The following APC2 variants were observed in gnomAD, a reference collection of about 807,000 sequenced individuals.
The protein encoded by APC2 is APC regulator of Wnt signaling pathway 2.
In APC2, 41 loss-of-function variants were observed where a neutral mutation model predicts 72.5. That is an observed-to-expected ratio of 0.57 (90% CI 0.44 to 0.73). APC2 has a LOEUF of 0.73. Ranked by LOEUF, APC2 falls within the 30% of genes least tolerant of loss-of-function variation. The pLI, the probability that APC2 is intolerant of heterozygous loss-of-function variation, is 0.00. For synonymous variants in APC2, 1,898 were observed against 1,612.0 expected (o/e 1.18, Z -4.25); for missense variants, 3,729 against 3,403.4 (o/e 1.10, Z -2.38).
chr19:1,466,601 G>A lies in APC2; in HGVS notation c.3300G>A (p.Leu1100=), dbSNP rs1160675408. The change falls in exon 15 of 15, where the codon CTG becomes CTA. Residue 1100 remains leucine, a synonymous_variant. Transcript: ENST00000590469. ...ACAGTGACTCCTCCCTGGAGGGGCT[G>A]GAGGAGGCCGGCCCCAGCGAGGCTG... is the stretch of plus-strand genomic sequence containing the variant. ...LDDSDSSLEG[L]EEAGPSEAEL... is the part of the protein sequence containing the mutation. The A allele has an allele frequency of 1.3e-6, 2 of 1,549,098 alleles. No homozygotes were observed. Among genetic ancestry groups the A allele is most frequent in the African/African-American group, 1.4e-5 (1 of 73,898 alleles).
rs750775445 is a variant in APC2 at position 1,467,189 on chromosome 19, G to A, written c.3888G>A (p.Leu1296=). The A allele has an allele frequency of 4.6e-6, 7 of 1,510,148 alleles. No homozygotes were observed. The South Asian group carries it at 9.0e-5, about 19-fold the overall frequency. The allele number at this position is 1,510,148 out of a possible 1,614,324, so 93.5% of individuals were successfully genotyped here. A position where few individuals can be genotyped will look rare whatever the true frequency, so the allele number is the denominator to read the frequency against. Residue 1296 remains leucine (L), a synonymous_variant, in exon 15 of 15, where the codon CTG becomes CTA. Coordinates refer to ENST00000590469, the MANE Select transcript of APC2 (RefSeq NM_005883.3). The part of the protein sequence containing the change: ...HYVQQDVELR[L]LPSACPERGG... ...TGCAGCAGGACGTGGAGCTGCGGCT[G>A]CTGCCCTCGGCCTGCCCCGAGCGCG...
At chr19:1,457,347 G>A in intron 9 of APC2, 104 bp downstream of exon 9, 9 of 1,413,926 alleles carry the variant, frequency 6.4e-6, no homozygotes, top group Non-Finnish European at 8.3e-6. Context: ...CCTGCCTTCT[G>A]GCGTTGGAGG....
intron 4 of APC2, among the ~76,000 whole-genome samples, chr19:1,453,934 C>T (rs903798712): frequency 2.0e-5 from 3 of 152,198 alleles, no homozygotes; most frequent in African/African-American, 7.2e-5. Context: ...GGGCTGTGTC[C>T]GGTGCCAGGG....
At chr19:1,463,317 C>G (rs1191468973) in intron 14 of APC2, among the ~76,000 whole-genome samples, 1 of 151,142 alleles carries the variant, frequency 6.6e-6, no homozygotes, top group African/African-American at 2.4e-5. Flanking sequence ...ACTCGGGAGA[C>G]TGAAGCAGGA....
Position 1,469,061 on chromosome 19 carries a change from G to A in APC2, c.5760G>A (p.Gln1920=). The change falls in exon 15 of 15, where the codon CAG becomes CAA. Residue 1920 remains glutamine (Q), a synonymous_variant. Coordinates refer to ENST00000590469, the MANE Select transcript of APC2 (RefSeq NM_005883.3). ...KTPARTLLAK[Q]HKTQRSPVRI... ...CGGCGCGCACCCTTCTGGCGAAGCA[G>A]CACAAGACGCAGAGATCGCCCGTGC... 6.6e-7 allele frequency: 1 copy of A among 1,526,374 alleles called. No individual in the cohort carries two copies. The highest frequency in any genetic ancestry group is 8.8e-7 in the Non-Finnish European group (1 of 1,137,818). 94.6% of individuals were successfully genotyped at this position (1,526,374 alleles called of 1,614,324 possible).
At chr19:1,458,799 C>G (rs1307043866) in intron 10 of APC2, among the ~76,000 whole-genome samples, 2 of 151,978 alleles carry the variant, frequency 1.3e-5, no homozygotes, top group Non-Finnish European at 2.9e-5. Flanking sequence ...TCACTGCAAA[C>G]TCCACCTCCG....
intron 4 of APC2, 122 bp from the exon 5 acceptor site, chr19:1,455,027 A>C: frequency 3.2e-6 from 1 of 312,322 alleles, no homozygotes; most frequent in South Asian, 2.5e-5. Context: ...GCCACGGGAG[A>C]GACCTTGCCA....
chr19:1,466,228 C>A lies in APC2; in HGVS notation c.2927C>A (p.Ala976Asp). 1.3e-6 allele frequency: 2 copies of A among 1,540,966 alleles called. No homozygotes were observed. The highest frequency in any genetic ancestry group is 2.0e-5 in the Admixed American group (1 of 50,986). ...GACCTTGACCTGCCCGGCTGCCAGG[C>A]CGAGCCCCCGGCCCGCGAGGCCACC... is the stretch of plus-strand genomic sequence containing the variant. ...RLDLDLPGCQ[A>D]EPPAREATSA... The change falls in exon 15 of 15, where the codon GCC (alanine) becomes GAC (aspartate). Residue 976 changes from alanine (A) to aspartate (D), a missense_variant. Ala to Asp is a moderately radical substitution (Grantham distance 126). Coordinates refer to ENST00000590469, the MANE Select transcript of APC2 (RefSeq NM_005883.3).
rs2084116558 is a variant in APC2, at chr19:1,470,514, G to A, written c.*301G>A. On this transcript the variant is annotated 3_prime_UTR_variant, in exon 15 of 15. Coordinates refer to ENST00000590469, the MANE Select transcript of APC2 (RefSeq NM_005883.3). The stretch of plus-strand genomic sequence containing the variant: ...CTGAGCGCGCGGCCCTTCCCCTGTC[G>A]GAAGCCGTTGCTTGACCCCGGGCGA... 2.9e-6 allele frequency: 1 copy of A among 339,050 alleles called. No individual in the cohort carries two copies. Among genetic ancestry groups the A allele is most frequent in the South Asian group, 6.7e-5 (1 of 15,014 alleles). The allele number at this position is 339,050 out of a possible 1,614,324, so 21.0% of individuals were successfully genotyped here.
chr19:1,469,021 C>G lies in APC2; in HGVS notation c.5720C>G (p.Pro1907Arg). 2 of 1,548,778 alleles carry G rather than the reference C, an allele frequency of 1.3e-6. No homozygotes were observed. Among genetic ancestry groups the G allele is most frequent in the South Asian group, 1.2e-5 (1 of 83,214 alleles). Residue 1907 changes from proline to arginine, a missense_variant, in exon 15 of 15, where the codon CCG becomes CGG. Coordinates refer to ENST00000590469, the MANE Select transcript of APC2 (RefSeq NM_005883.3). ...AGALPGPGAS[P>R]VPKTPARTLL... ...GCCCTGCCCGGCCCCGGAGCCTCCC[C>G]GGTGCCCAAAACGCCGGCGCGCACC...
At chr19:1,446,848 C>T (rs1024770003), upstream of APC2, among the ~76,000 whole-genome samples, 2 of 152,232 alleles carry the variant, frequency 1.3e-5, no homozygotes, top group Non-Finnish European at 2.9e-5. This position sits in a 1 kb window ranked among gnomAD's most constrained non-coding sequence, Gnocchi z 6.1. Flanking sequence ...GCTCCCGACC[C>T]CAGCGCTTCT....
chr19:1,464,869 G>A (rs946696314), intron 14 of APC2, among the ~76,000 whole-genome samples: 6 of 151,456 alleles, frequency 4.0e-5, no homozygotes, highest in Non-Finnish European at 7.4e-5. Context: ...CTGACCTCAG[G>A]GGATCCACCC....
At chr19:1,462,365 A>G (rs753260337) in intron 14 of APC2, among the ~76,000 whole-genome samples, 188 bp downstream of exon 14, 2 of 152,204 alleles carry the variant, frequency 1.3e-5, no homozygotes, top group Non-Finnish European at 2.9e-5. Flanking sequence ...TTACATTAAA[A>G]TTACTTCAGG....
At chr19:1,450,091 G>A, upstream of APC2, 1 of 962,332 alleles carries the variant, frequency 1.0e-6, no homozygotes, top group Non-Finnish European at 1.2e-6. Context: ...TGTCTCACCC[G>A]CATCCCTCAT....
rs2083846773 is a variant in APC2 at position 1,457,207 on chromosome 19, C to A, written c.1171C>A (p.Arg391=). The part of the protein sequence containing the change: ...CETCWDWLQA[R]DGGPEGGGAG... ...GACCTGCTGGGACTGGCTGCAGGCC[C>A]GAGACGGCGGGCCCGAGGGAGGTGG... Residue 391 remains arginine, a synonymous_variant, in exon 9 of 15, where the codon CGA becomes AGA. Transcript: ENST00000590469. The A allele has an allele frequency of 6.4e-7, 1 of 1,551,368 alleles. No individual in the cohort carries two copies. Among genetic ancestry groups the A allele is most frequent in the Non-Finnish European group, 8.7e-7 (1 of 1,151,262 alleles).
chr19:1,469,977 C>T lies in APC2; in HGVS notation c.6676C>T (p.Leu2226Phe), dbSNP rs1002272394. 47 of 1,524,984 alleles carry T rather than the reference C, an allele frequency of 3.1e-5. No individual in the cohort carries two copies. The highest frequency in any genetic ancestry group is 4.0e-5 in the Non-Finnish European group (46 of 1,141,454). 94.5% of individuals were successfully genotyped at this position (1,524,984 alleles called of 1,614,324 possible). A position where few individuals can be genotyped will look rare whatever the true frequency, so the allele number is the denominator to read the frequency against. The change falls in exon 15 of 15, where the codon CTC becomes TTC. Residue 2226 changes from leucine (L) to phenylalanine (F), a missense_variant. By Grantham distance (22) the Leu-to-Phe change is conservative. Coordinates refer to ENST00000590469, the MANE Select transcript of APC2 (RefSeq NM_005883.3). ...GAPAGGQLSL[L>F]GSDVDGPSLA... ...CCCCGCCGGCGGCCAGCTCTCCCTC[C>T]TCGGCAGCGACGTGGACGGTCCCAG... is the stretch of plus-strand genomic sequence containing the variant.
chr19:1,448,801 G>A (rs1395910419), upstream of APC2, among the ~76,000 whole-genome samples: 1 of 149,292 alleles, frequency 6.7e-6, no homozygotes, highest in Non-Finnish European at 1.5e-5. Flanking sequence ...CCGAGAACGT[G>A]CCACTGCACT....
Position 1,452,932 on chromosome 19 carries a change from C to T in APC2, c.-18-52C>T. 1 of 1,577,006 alleles carries T rather than the reference C, an allele frequency of 6.3e-7. No homozygotes were observed. The highest frequency in any genetic ancestry group is 8.6e-7 in the Non-Finnish European group (1 of 1,161,716). ...CAGGGGCCGTCTGTCCGGAAGGCAT[C>T]ACCGCGCCCTCCCCAGACCATCAGC... On this transcript the variant is annotated intron_variant, in intron 1 of 14. Coordinates refer to ENST00000590469, the MANE Select transcript of APC2 (RefSeq NM_005883.3). The surrounding 1 kb of genome is among the most constrained non-coding windows in gnomAD (Gnocchi z 5.1).
At position 1,468,470 on chromosome 19, in the gene APC2, G is replaced by A. The variant is rs745606141; in HGVS notation, c.5169G>A (p.Gly1723=). ...ESDSILSFVS[G]LSVGSTLQPP... ...ACTCCATCCTGTCCTTCGTATCCGG[G>A]CTGTCAGTGGGATCCACCCTACAGC... The change falls in exon 15 of 15, where the codon GGG becomes GGA. Residue 1723 remains glycine (G), a synonymous_variant. Transcript: ENST00000590469. 6.2e-7 allele frequency: 1 copy of A among 1,601,326 alleles called. No individual in the cohort carries two copies. Among genetic ancestry groups the A allele is most frequent in the East Asian group, 2.3e-5 (1 of 44,382 alleles).
Sources: gnomAD v4.1 joint callset for allele counts (sites outside exome capture counted in the v4.1 genomes callset) on GRCh38, gnomAD v4.1.1 for gene constraint, Gnocchi (gnomAD v3.1) non-coding constraint, MANE v1.5 for transcripts, NCBI Gene and HGNC (gene_info 2026-07-23, HGNC 2026-07-21) for gene names.